Variants in ARL17B observed in about 807,000 individuals in gnomAD.
ARL17B encodes ADP-ribosylation factor-like protein 17.
Position 46,336,571 on chromosome 17 carries a change from TAA to T in ARL17B, c.*2927_*2928del, listed in dbSNP as rs1165584039. Among the ~76,000 whole-genome samples the T allele has an allele frequency of 2.2e-3, 1 of 448 alleles. No homozygotes were observed. Among genetic ancestry groups the T allele is most frequent in the African/African-American group, 3.0e-3 (1 of 330 alleles). The allele number at this position is 448 out of a possible 152,430, so 0.3% of individuals were successfully genotyped here. On this transcript the variant is annotated 3_prime_UTR_variant, in exon 4 of 4. Coordinates refer to ENST00000450673, the MANE Select transcript of ARL17B (RefSeq NM_001039083.5). ...GGGGAATGAGCCAAACTGTCTCAAA[TAA>T]AAAAAAAACAACAAAAAAGAATTTT...
At chr17:46,290,643 C>A (rs1245934842) in intron 4 of ARL17B, among the ~76,000 whole-genome samples, 3 of 151,706 alleles carry the variant, frequency 2.0e-5, no homozygotes, top group Non-Finnish European at 2.9e-5. Context: ...GACGGGGTTT[C>A]GCCCTGTTAG....
rs544272436 is a variant in ARL17B, at chr17:46,281,103, T to A, written c.*22-5685A>T. On this transcript the variant is annotated intron_variant, in intron 4 of 4. Transcript: ENST00000570618. Reference sequence around the variant, plus strand: ...AATCTAATTCTTGTTTTATAGATTGTCTGTTTTATCTAAAAGTTTCTTTTA... The same window carrying A: ...AATCTAATTCTTGTTTTATAGATTGACTGTTTTATCTAAAAGTTTCTTTTA... Among the ~76,000 whole-genome samples the A allele has an allele frequency of 1.4e-4, 21 of 152,122 alleles. No individual in the cohort carries two copies. The South Asian group carries it at 2.3e-3, about 17-fold the overall frequency.
intron 4 of ARL17B, among the ~76,000 whole-genome samples, chr17:46,290,169 G>A (rs1457497710): frequency 8.5e-5 from 13 of 152,310 alleles, no homozygotes; most frequent in South Asian, 6.2e-4. Context: ...TCACTTGATC[G>A]CCCCGGCTAG....
At position 46,276,790 on chromosome 17, in the gene ARL17B, CT is replaced by C. The variant is rs75549659; in HGVS notation, c.*22-1373del. 4.2e-3 allele frequency among the ~76,000 whole-genome samples: 561 copies of C among 134,248 alleles called. 2 individuals are homozygous for C. Among genetic ancestry groups the C allele is most frequent in the African/African-American group, 0.011 (390 of 36,336 alleles). 88.1% of individuals were successfully genotyped at this position (134,248 alleles called of 152,430 possible). A position where few individuals can be genotyped will look rare whatever the true frequency, so the allele number is the denominator to read the frequency against. On this transcript the variant is annotated intron_variant, in intron 4 of 4. Coordinates refer to the ARL17B transcript ENST00000570618. ...TGCATTGTAATTTTTTTCTTTTTTT[CT>C]TTTTTTTTTTTTTTTTGATTTGTTT...
rs2049691118 is a variant in ARL17B at position 46,279,324 on chromosome 17, C to T, written c.*22-3906G>A. Among the ~76,000 whole-genome samples, 6 of 151,818 alleles carry T rather than the reference C, an allele frequency of 4.0e-5. No individual in the cohort carries two copies. In the South Asian group the frequency reaches 1.2e-3, roughly 31 times the overall value. On this transcript the variant is annotated intron_variant, in intron 4 of 4. Transcript: ENST00000570618. Reference sequence around the variant, plus strand: ...TCAGCCTCCCAAGTAGCGAGGATTACAGGTGCCTACCACAATGCCTGGCTA... The same window carrying T: ...TCAGCCTCCCAAGTAGCGAGGATTATAGGTGCCTACCACAATGCCTGGCTA...
intron 4 of ARL17B, among the ~76,000 whole-genome samples, chr17:46,280,781 C>A (rs1177810617): frequency 6.6e-6 from 1 of 152,094 alleles, no homozygotes; most frequent in Non-Finnish European, 1.5e-5. Flanking sequence ...GCCATGTTGG[C>A]CAGGATGGTC....
chr17:46,355,878 G>A (rs1431343240), intron 2 of ARL17B, among the ~76,000 whole-genome samples: 1 of 93,324 alleles, frequency 1.1e-5, no homozygotes, highest in Non-Finnish European at 2.1e-5. Flanking sequence ...CCTGACCTCA[G>A]GTAACCCGCC....
intron 3 of ARL17B, among the ~76,000 whole-genome samples, chr17:46,325,607 T>C (rs1173794352): frequency 1.2e-5 from 1 of 81,574 alleles, no homozygotes; most frequent in Admixed American, 1.3e-4. Context: ...TTTTAAGCCA[T>C]GTTATGATTA....
At chr17:46,317,138 G>A (rs1451455073) in intron 3 of ARL17B, among the ~76,000 whole-genome samples, 1 of 89,474 alleles carries the variant, frequency 1.1e-5, no homozygotes, top group Admixed American at 1.1e-4. Context: ...ACACCTCCCA[G>A]ATGGGGTGGC....
At chr17:46,276,727 CT>C (rs2049595362) in intron 4 of ARL17B, among the ~76,000 whole-genome samples, 1 of 151,888 alleles carries the variant, frequency 6.6e-6, no homozygotes, top group Non-Finnish European at 1.5e-5. Flanking sequence ...TAGAAATTCC[CT>C]AAAAATGCAA....
downstream of ARL17B, chr17:46,330,664 G>A (rs1183465067): frequency 1.8e-5 from 5 of 281,568 alleles, 2 homozygotes; most frequent in South Asian, 1.3e-4. Flanking sequence ...ATTTCTCAGC[G>A]GTAAACCTAG....
intron 4 of ARL17B, among the ~76,000 whole-genome samples, chr17:46,290,535 C>T (rs1227415965): frequency 6.6e-6 from 1 of 152,226 alleles, no homozygotes; most frequent in Non-Finnish European, 1.5e-5. Flanking sequence ...CAACCTCCGC[C>T]TTCTGGGTTC....
At chr17:46,286,881 AT>A (rs2143416673) in intron 4 of ARL17B, among the ~76,000 whole-genome samples, 1 of 152,346 alleles carries the variant, frequency 6.6e-6, no homozygotes, top group South Asian at 2.1e-4. Flanking sequence ...AGATGTACAC[AT>A]CCATTTTCTT....
chr17:46,275,894 A>T (rs1198801418), intron 4 of ARL17B, among the ~76,000 whole-genome samples: 5 of 147,590 alleles, frequency 3.4e-5, no homozygotes, highest in Admixed American at 6.8e-5. Flanking sequence ...TTTATTCACA[A>T]TTTTTTTTTT....
At chr17:46,293,072 G>A (rs1408347261) in intron 4 of ARL17B, 1 of 48,194 alleles carries the variant, frequency 2.1e-5, no homozygotes, top group East Asian at 3.4e-4. Context: ...TCCTACCTCA[G>A]CCTCCTGAGT....
Position 46,325,956 on chromosome 17 carries a change from A to G in ARL17B, c.260-26291T>C. On this transcript the variant is annotated intron_variant, in intron 3 of 4. Coordinates refer to the ARL17B transcript ENST00000434041. ...GGAAAAAAAGAAAATGTTTAAAATA[A>G]AAAGTTGGGGGCAGAAAAAGAATAC... 2.9e-5 allele frequency among the ~76,000 whole-genome samples: 2 copies of G among 69,028 alleles called. 1 individual carries two copies. The highest frequency in any genetic ancestry group is 1.0e-4 in the Non-Finnish European group (2 of 19,330). The allele number at this position is 69,028 out of a possible 152,430, so 45.3% of individuals were successfully genotyped here.
intron 4 of ARL17B, among the ~76,000 whole-genome samples, chr17:46,280,871 T>C (rs2049744545): frequency 5.3e-5 from 8 of 152,240 alleles, no homozygotes; most frequent in Admixed American, 5.2e-4. Context: ...ATTTCGTGTC[T>C]GGCCAATAGC....
chr17:46,340,120 C>G (rs1355512149), intron 3 of ARL17B, among the ~76,000 whole-genome samples: 1 of 100,662 alleles, frequency 9.9e-6, no homozygotes, highest in East Asian at 2.3e-4. Flanking sequence ...GGTCTGCAGG[C>G]CATATAGTAT....
chr17:46,276,966 G>C (rs2049607479), intron 4 of ARL17B, among the ~76,000 whole-genome samples: 2 of 148,082 alleles, frequency 1.4e-5, no homozygotes, highest in African/African-American at 4.9e-5. Context: ...ACCATGCTCA[G>C]CTAATTTTTT....
Sources: allele counts gnomAD v4.1 joint callset (sites outside exome capture counted in the v4.1 genomes callset), GRCh38; gene constraint gnomAD v4.1.1; transcripts MANE v1.5; gene names NCBI Gene and HGNC (gene_info 2026-07-23, HGNC 2026-07-21).